The following UTP20 variants were observed in gnomAD, a reference collection of about 807,000 sequenced individuals.
UTP20 encodes the protein small subunit processome component 20 homolog.
Under a neutral mutation model 329.5 loss-of-function variants are expected in UTP20, and 164 were observed. That is an observed-to-expected ratio of 0.50 (90% CI 0.44 to 0.57). The LOEUF is 0.57. Ranked by LOEUF, UTP20 falls within the 20% of genes least tolerant of loss-of-function variation. The probability of loss-of-function intolerance (pLI) is 0.00; values close to 1 mark genes in which losing one functional copy is unlikely to be tolerated. For synonymous variants in UTP20, 1,151 were observed against 1,159.3 expected (o/e 0.99, Z 0.14); for missense variants, 3,055 against 3,284.2 (o/e 0.93, Z 1.71).
chr12:101,369,710 GT>G lies in UTP20; in HGVS notation c.6385-4del. On this transcript the variant is annotated splice_polypyrimidine_tract_variant and intron_variant, in intron 48 of 61. Transcript: ENST00000261637. Reference sequence around the variant, plus strand: ...TCACAAGTTGGTGGTGTTTTGTTTTGTTTTTTTCAGGTGATCACAGGTGCTT... The same window carrying G: ...TCACAAGTTGGTGGTGTTTTGTTTTGTTTTTTCAGGTGATCACAGGTGCTT... 7 of 1,462,932 alleles carry G rather than the reference GT, an allele frequency of 4.8e-6. No individual in the cohort carries two copies. Among genetic ancestry groups the G allele is most frequent in the Non-Finnish European group, 4.8e-6 (5 of 1,044,000 alleles). The allele number at this position is 1,462,932 out of a possible 1,614,324, so 90.6% of individuals were successfully genotyped here.
chr12:101,382,845 C>T (rs1429374028), intron 58 of UTP20, among the ~76,000 whole-genome samples, 196 bp from the exon 59 acceptor site: 1 of 141,154 alleles, frequency 7.1e-6, no homozygotes, highest in Non-Finnish European at 1.5e-5. Context: ...GAGTGAGGCT[C>T]TGTCTTTAAA....
In UTP20 at chr12:101,354,983, A is replaced by G; in HGVS notation, c.5259A>G (p.Lys1753=). ...DPADSGGTSA[K]ESECITKPVS... ...CTGACTCTGGAGGAACATCAGCTAAAGAATCCGAGTGTATCACAAAGCCTG... is the reference window on the plus strand; with the variant it reads ...CTGACTCTGGAGGAACATCAGCTAAGGAATCCGAGTGTATCACAAAGCCTG... The change falls in exon 41 of 62, where the codon AAA becomes AAG. Residue 1753 remains lysine (K), a synonymous_variant. Coordinates refer to ENST00000261637, the MANE Select transcript of UTP20 (RefSeq NM_014503.3). 6.2e-7 allele frequency: 1 copy of G among 1,614,240 alleles called. No individual in the cohort carries two copies. Among genetic ancestry groups the G allele is most frequent in the South Asian group, 1.1e-5 (1 of 91,086 alleles).
At chr12:101,290,397 T>G (rs552856929) in intron 7 of UTP20, 123 bp downstream of exon 7, 2 of 1,207,042 alleles carry the variant, frequency 1.7e-6, no homozygotes, top group African/African-American at 3.0e-5. Context: ...TGAGGAGTGT[T>G]GGGTGTTCAG....
chr12:101,351,731 G>GAGT (rs923177704), intron 38 of UTP20, among the ~76,000 whole-genome samples: 9 of 151,982 alleles, frequency 5.9e-5, no homozygotes, highest in Non-Finnish European at 1.3e-4. Context: ...TTTGAGGGCT[G>GAGT]AGTAGCACAA....
chr12:101,285,694 T>C, intron 3 of UTP20, 55 bp from the exon 4 acceptor site: 1 of 1,613,422 alleles, frequency 6.2e-7, no homozygotes, highest in South Asian at 1.1e-5. Flanking sequence ...ATATGTTCCA[T>C]ACAGCTGAAT....
At chr12:101,354,678 T>A (rs1002276106) in intron 40 of UTP20, among the ~76,000 whole-genome samples, 154 bp from the exon 41 acceptor site, 2 of 152,222 alleles carry the variant, frequency 1.3e-5, no homozygotes, top group Non-Finnish European at 2.9e-5. Context: ...CCCTCTCATT[T>A]ACTGCTCTTT....
chr12:101,371,007 A>G (rs745579894), intron 50 of UTP20, 51 bp from the exon 51 acceptor site: 2 of 1,532,846 alleles, frequency 1.3e-6, no homozygotes, highest in Non-Finnish European at 1.8e-6. Context: ...GCTTCCACGC[A>G]TCTGCAGCAA....
At position 101,383,316 on chromosome 12, in the gene UTP20, G is replaced by A. The variant is rs1266498044; in HGVS notation, c.7929+3G>A. The stretch of plus-strand genomic sequence containing the variant: ...ATTCGCCGAGAAACCCCTTAAAGGT[G>A]CGATGAATGCACAGAATGACTGACA... On this transcript the variant is annotated splice_donor_region_variant and intron_variant, in intron 59 of 61. Coordinates refer to ENST00000261637, the MANE Select transcript of UTP20 (RefSeq NM_014503.3). 2 of 1,611,208 alleles carry A rather than the reference G, an allele frequency of 1.2e-6. No individual in the cohort carries two copies. Among genetic ancestry groups the A allele is most frequent in the Admixed American group, 1.7e-5 (1 of 59,484 alleles).
intron 12 of UTP20, 44 bp from the exon 13 acceptor site, chr12:101,299,638 G>A (rs781314625): frequency 9.3e-6 from 14 of 1,507,336 alleles, no homozygotes; most frequent in African/African-American, 2.8e-5. Flanking sequence ...GGGCAAGAGC[G>A]ATTACATTCT....
At position 101,340,546 on chromosome 12, in the gene UTP20, A is replaced by G; in HGVS notation, c.4037A>G (p.Lys1346Arg). The G allele has an allele frequency of 6.2e-7, 1 of 1,609,282 alleles. No individual in the cohort carries two copies. The highest frequency in any genetic ancestry group is 8.5e-7 in the Non-Finnish European group (1 of 1,178,066). The change falls in exon 32 of 62, where the codon AAA (lysine) becomes AGA (arginine). Residue 1346 changes from lysine to arginine, a missense_variant. Physicochemically the swap from Lys to Arg is conservative, Grantham distance 26 (BLOSUM62 2). Transcript: ENST00000261637. ...AGGATCAGCAAGTTTATGAAAGACA[A>G]AGAACAAAGTTCTGTACTCATTACG... Reference protein sequence around the residue: ...LSKISKFMKDKEQSSVLITLL... With the variant: ...LSKISKFMKDREQSSVLITLL...
At position 101,342,968 on chromosome 12, in the gene UTP20, G is replaced by A; in HGVS notation, c.4324G>A (p.Asp1442Asn). The A allele has an allele frequency of 6.2e-7, 1 of 1,613,594 alleles. No homozygotes were observed. Among genetic ancestry groups the A allele is most frequent in the Non-Finnish European group, 8.5e-7 (1 of 1,179,912 alleles). The change falls in exon 35 of 62, where the codon GAT becomes AAT. Residue 1442 changes from aspartate to asparagine, a missense_variant. Physicochemically the swap from Asp to Asn is conservative, Grantham distance 23. Transcript: ENST00000261637. ...KLNAFDQRHL[D>N]DINFDVRFET... ...TAACGCCTTCGATCAAAGACATCTT[G>A]ATGATATCAACTTCGACGTTCGCTT...
At chr12:101,377,775 T>C (rs1351220300) in intron 56 of UTP20, among the ~76,000 whole-genome samples, 1 of 152,158 alleles carries the variant, frequency 6.6e-6, no homozygotes, top group Non-Finnish European at 1.5e-5. Context: ...TTTAGACCAT[T>C]AGTGTAGTCA....
chr12:101,375,896 G>A, intron 56 of UTP20, 140 bp downstream of exon 56: 4 of 562,164 alleles, frequency 7.1e-6, no homozygotes, highest in Non-Finnish European at 1.2e-5. Flanking sequence ...AACCTAAAAG[G>A]TTCTATCAGA....
chr12:101,285,568 A>G lies in UTP20; in HGVS notation c.127-2A>G, dbSNP rs763135378. 5 of 1,613,524 alleles carry G rather than the reference A, an allele frequency of 3.1e-6. No homozygotes were observed. The highest frequency in any genetic ancestry group is 1.3e-5 in the African/African-American group (1 of 74,914). ...ATTAATGGACTGCTTTAATCTTGAC[A>G]GGAGGTTGAAACCTACTTTTTTGAG... is the stretch of plus-strand genomic sequence containing the variant. On this transcript the variant is annotated splice_acceptor_variant, in intron 2 of 61. Transcript: ENST00000261637. LOFTEE classifies it high-confidence loss of function.
At chr12:101,318,593 G>A (rs1364134292) in intron 22 of UTP20, among the ~76,000 whole-genome samples, 2 of 152,168 alleles carry the variant, frequency 1.3e-5, no homozygotes, top group Non-Finnish European at 2.9e-5. Flanking sequence ...CACTTTGGGA[G>A]GCCGAGGTGG....
chr12:101,338,691 G>T, intron 30 of UTP20, 122 bp from the exon 31 acceptor site: 1 of 789,270 alleles, frequency 1.3e-6, no homozygotes, highest in South Asian at 3.0e-5. Flanking sequence ...AATTTATTTA[G>T]AATTGAAATT....
intron 6 of UTP20, 92 bp from the exon 7 acceptor site, chr12:101,290,045 A>G: frequency 2.0e-6 from 2 of 1,011,090 alleles, no homozygotes; most frequent in Non-Finnish European, 2.7e-6. Context: ...AGTATATTTA[A>G]ATAACAATAT....
At chr12:101,375,437 G>A (rs1870441154) in intron 55 of UTP20, among the ~76,000 whole-genome samples, 187 bp from the exon 56 acceptor site, 1 of 152,130 alleles carries the variant, frequency 6.6e-6, no homozygotes, top group East Asian at 1.9e-4. Flanking sequence ...GAGCATAGAG[G>A]AGCAGGGATG....
At position 101,344,924 on chromosome 12, in the gene UTP20, CT is replaced by C. The variant is rs1280218315; in HGVS notation, c.4605+182del. 8.0e-5 allele frequency among the ~76,000 whole-genome samples: 8 copies of C among 100,560 alleles called. No individual in the cohort carries two copies. The East Asian group carries it at 1.8e-3, about 22-fold the overall frequency. 66.0% of individuals were successfully genotyped at this position (100,560 alleles called of 152,430 possible). A position where few individuals can be genotyped will look rare whatever the true frequency, so the allele number is the denominator to read the frequency against. On this transcript the variant is annotated intron_variant, in intron 36 of 61. Coordinates refer to ENST00000261637, the MANE Select transcript of UTP20 (RefSeq NM_014503.3). ...GGGAGTGGGTCTAGAAAGGAGAGCA[CT>C]TTTTTTTGCTTTTTTTTTTTTTTTT...
Sources: gnomAD v4.1 joint callset for allele counts (sites outside exome capture counted in the v4.1 genomes callset) on GRCh38, gnomAD v4.1.1 for gene constraint, MANE v1.5 for transcripts, NCBI Gene and HGNC (gene_info 2026-07-23, HGNC 2026-07-21) for gene names.